The following CWC27 variants were observed in gnomAD, a reference collection of about 807,000 sequenced individuals.
The protein encoded by CWC27 is CWC27 spliceosome associated cyclophilin.
A neutral mutation model predicts 63.6 loss-of-function variants in CWC27; 47 were observed. The observed-to-expected ratio is 0.74, with a 90% confidence interval of 0.58 to 0.94. The LOEUF is 0.94. Ranked by LOEUF, CWC27 falls within the 40% of genes least tolerant of loss-of-function variation. The pLI is 0.00. For missense variants in CWC27, 495 were observed against 554.3 expected (o/e 0.89, Z 1.07); for synonymous variants, 175 against 179.8 (o/e 0.97, Z 0.22).
intron 13 of CWC27, among the ~76,000 whole-genome samples, chr5:65,012,821 AT>A (rs1274151016): frequency 6.6e-6 from 1 of 152,214 alleles, no homozygotes; most frequent in Admixed American, 6.5e-5. Context: ...ATCTGAAAGC[AT>A]AAAAGCTCTT....
chr5:64,816,853 T>C (rs930019172), intron 10 of CWC27, among the ~76,000 whole-genome samples: 1 of 152,162 alleles, frequency 6.6e-6, no homozygotes, highest in Admixed American at 6.6e-5. Flanking sequence ...GTTGATTTTC[T>C]TGTTTTTCCT....
intron 11 of CWC27, among the ~76,000 whole-genome samples, chr5:64,897,151 A>G (rs1580711487): frequency 6.6e-6 from 1 of 152,086 alleles, no homozygotes; most frequent in African/African-American, 2.4e-5. Flanking sequence ...AGAGGTTGCA[A>G]TGAGCCAAGA....
At chr5:64,967,211 C>T (rs905065110) in intron 11 of CWC27, among the ~76,000 whole-genome samples, 2 of 151,942 alleles carry the variant, frequency 1.3e-5, no homozygotes, top group African/African-American at 4.8e-5. Context: ...TAGTAAATAG[C>T]CACTCCTCAC....
intron 4 of CWC27, among the ~76,000 whole-genome samples, chr5:64,784,522 C>T (rs1037670041): frequency 1.4e-4 from 21 of 152,154 alleles, no homozygotes; most frequent in African/African-American, 5.1e-4. Flanking sequence ...TCTTCTCTCA[C>T]TCTTCTCCAT....
chr5:64,995,004 T>A (rs1051634900), intron 13 of CWC27, among the ~76,000 whole-genome samples: 2 of 142,974 alleles, frequency 1.4e-5, no homozygotes, highest in African/African-American at 5.3e-5. Flanking sequence ...ACAAAAGCTC[T>A]GAAATTTTTT....
intron 10 of CWC27, among the ~76,000 whole-genome samples, chr5:64,867,786 G>A (rs1746565380): frequency 6.6e-6 from 1 of 152,036 alleles, no homozygotes; most frequent in South Asian, 2.1e-4. Context: ...CATAGTGAGG[G>A]TTGGAGGTTA....
Position 64,895,896 on chromosome 5 carries a change from T to G in CWC27, c.1042+10350T>G, listed in dbSNP as rs1341016892. 2.6e-5 allele frequency among the ~76,000 whole-genome samples: 4 copies of G among 152,090 alleles called. No homozygotes were observed. The East Asian group carries it at 7.7e-4, about 29-fold the overall frequency. ...TGTAGAACTCAGCCCAAAAACAGAT[T>G]GGAAACCTGGAAGATCTAATAAATG... On this transcript the variant is annotated intron_variant, in intron 11 of 13. Coordinates refer to ENST00000381070, the MANE Select transcript of CWC27 (RefSeq NM_005869.4).
At chr5:64,987,324 A>C (rs961021653) in intron 13 of CWC27, among the ~76,000 whole-genome samples, 1 of 152,222 alleles carries the variant, frequency 6.6e-6, no homozygotes, top group Non-Finnish European at 1.5e-5. Flanking sequence ...TTATCATTTC[A>C]AGACGAATAT....
chr5:64,949,290 G>A (rs1365831925), intron 11 of CWC27, among the ~76,000 whole-genome samples: 2 of 152,012 alleles, frequency 1.3e-5, no homozygotes, highest in African/African-American at 4.8e-5. Context: ...AAATGAATTA[G>A]ATTTAGATAG....
intron 10 of CWC27, among the ~76,000 whole-genome samples, chr5:64,856,288 C>G (rs1033841072): frequency 2.0e-5 from 3 of 151,840 alleles, no homozygotes; most frequent in African/African-American, 7.3e-5. Context: ...CTTTAGTAGA[C>G]TATATTTCAA....
At chr5:64,788,224 T>G (rs1743951102) in intron 6 of CWC27, among the ~76,000 whole-genome samples, 1 of 152,106 alleles carries the variant, frequency 6.6e-6, no homozygotes, top group Non-Finnish European at 1.5e-5. Context: ...AACAATAAAC[T>G]CTAAAGTCTT....
intron 10 of CWC27, among the ~76,000 whole-genome samples, chr5:64,841,006 A>C (rs1277640036): frequency 6.6e-6 from 1 of 152,222 alleles, no homozygotes; most frequent in Non-Finnish European, 1.5e-5. Context: ...CAACATTTCC[A>C]ACACAGAAAT....
chr5:64,911,507 G>A (rs967478229), intron 11 of CWC27, among the ~76,000 whole-genome samples: 4 of 152,156 alleles, frequency 2.6e-5, no homozygotes, highest in Non-Finnish European at 1.5e-5. Flanking sequence ...TAAGACTTTA[G>A]AGAACTGATA....
At chr5:64,913,679 G>GC (rs1321741583) in intron 11 of CWC27, among the ~76,000 whole-genome samples, 1 of 152,010 alleles carries the variant, frequency 6.6e-6, no homozygotes, top group Non-Finnish European at 1.5e-5. Context: ...ACACTTTTAA[G>GC]CCTTATTGAA....
intron 11 of CWC27, among the ~76,000 whole-genome samples, chr5:64,909,829 A>C (rs1338412212): frequency 6.6e-6 from 1 of 152,092 alleles, no homozygotes; most frequent in Non-Finnish European, 1.5e-5. Flanking sequence ...CCATTCATCC[A>C]ATCTTTTTTC....
At chr5:64,922,889 G>C (rs145993223) in intron 11 of CWC27, among the ~76,000 whole-genome samples, 2 of 152,162 alleles carry the variant, frequency 1.3e-5, no homozygotes, top group African/African-American at 4.8e-5. Context: ...TGGAGGGCGC[G>C]GGCTCAGCTT....
chr5:64,789,815 G>T (rs954679067), intron 7 of CWC27, among the ~76,000 whole-genome samples: 12 of 152,060 alleles, frequency 7.9e-5, no homozygotes, highest in African/African-American at 2.9e-4. Context: ...TGAATACTGA[G>T]AACTAAAGGA....
intron 13 of CWC27, among the ~76,000 whole-genome samples, chr5:64,979,315 G>T (rs771407335): frequency 9.2e-5 from 14 of 152,214 alleles, no homozygotes; most frequent in Non-Finnish European, 1.8e-4. Flanking sequence ...GAGAAAGTCA[G>T]AGCTGTACAC....
chr5:64,800,142 G>T, intron 7 of CWC27, 106 bp from the exon 8 acceptor site: 1 of 660,714 alleles, frequency 1.5e-6, no homozygotes, highest in Non-Finnish European at 2.5e-6. Context: ...TACATCTTTT[G>T]CTAACCATAT....
Sources: gnomAD v4.1 joint callset for allele counts (sites outside exome capture counted in the v4.1 genomes callset) on GRCh38, gnomAD v4.1.1 for gene constraint, MANE v1.5 for transcripts, NCBI Gene and HGNC (gene_info 2026-07-23, HGNC 2026-07-21) for gene names.